The following SHLD1 variants were observed in gnomAD, a reference collection of about 807,000 sequenced individuals.
The protein encoded by SHLD1 is shieldin complex subunit 1.
A neutral mutation model predicts 5.5 loss-of-function variants in SHLD1; 3 were observed. The ratio of observed to expected loss-of-function variants is 0.54; its 90% CI spans 0.25 to 1.40. The LOEUF is 1.40. Ranked by LOEUF, SHLD1 falls within the 40% of genes most tolerant of loss-of-function variation. The pLI is 0.15. For missense variants in SHLD1, 210 were observed against 244.4 expected (o/e 0.86, Z 0.94); for synonymous variants, 92 against 94.3 (o/e 0.98, Z 0.14).
intron 2 of SHLD1, among the ~76,000 whole-genome samples, chr20:5,782,815 T>C (rs2087004672): frequency 6.6e-6 from 1 of 152,202 alleles, no homozygotes; most frequent in Non-Finnish European, 1.5e-5. Flanking sequence ...TTCTATAAAA[T>C]TTTATTTCCA....
At chr20:5,810,305 C>T (rs563711039) in intron 2 of SHLD1, among the ~76,000 whole-genome samples, 4 of 151,774 alleles carry the variant, frequency 2.6e-5, no homozygotes, top group East Asian at 3.9e-4. Context: ...CCTTAGACAT[C>T]GAGTAACTAA....
intron 2 of SHLD1, among the ~76,000 whole-genome samples, chr20:5,803,946 G>A (rs2087336926): frequency 6.6e-6 from 1 of 151,416 alleles, no homozygotes; most frequent in African/African-American, 2.4e-5. Flanking sequence ...CTTGCTATTT[G>A]GAGGTTGAGG....
intron 1 of SHLD1, among the ~76,000 whole-genome samples, chr20:5,768,572 A>T (rs774252281): frequency 6.6e-6 from 1 of 152,212 alleles, no homozygotes; most frequent in Non-Finnish European, 1.5e-5. Flanking sequence ...GACTGACTGC[A>T]TGTTTGGTCC....
In SHLD1 at chr20:5,849,473, C is replaced by A. The variant is rs75288525; in HGVS notation, c.179-13551C>A. On this transcript the variant is annotated intron_variant, in intron 2 of 2. Coordinates refer to ENST00000303142, the MANE Select transcript of SHLD1 (RefSeq NM_152504.4). ...GACACCTTATTGTTTATAACATGGA[C>A]TGGGATGATTTCCAGCATCAAATCT... is the stretch of plus-strand genomic sequence containing the variant. Among the ~76,000 whole-genome samples, 211 of 152,290 alleles carry A rather than the reference C, an allele frequency of 1.4e-3. 4 individuals carry two copies. The highest frequency in any genetic ancestry group is 4.7e-3 in the African/African-American group (197 of 41,558).
chr20:5,770,770 C>G (rs1032903943), intron 1 of SHLD1, among the ~76,000 whole-genome samples: 1 of 152,184 alleles, frequency 6.6e-6, no homozygotes, highest in Non-Finnish European at 1.5e-5. Context: ...AAATACCAGG[C>G]AGATGTATGT....
intron 2 of SHLD1, among the ~76,000 whole-genome samples, chr20:5,830,562 C>T (rs978818162): frequency 2.0e-5 from 3 of 152,070 alleles, no homozygotes; most frequent in Admixed American, 2.0e-4. Flanking sequence ...GTGGCACATG[C>T]CTGTAATCTC....
intron 1 of SHLD1, among the ~76,000 whole-genome samples, chr20:5,762,196 G>C (rs374440997): frequency 2.6e-5 from 4 of 151,554 alleles, no homozygotes; most frequent in Admixed American, 6.6e-5. Flanking sequence ...AGGTTGCAGT[G>C]AGCCGAGATT....
At chr20:5,818,053 T>G (rs1430993654) in intron 2 of SHLD1, among the ~76,000 whole-genome samples, 1 of 152,076 alleles carries the variant, frequency 6.6e-6, no homozygotes, top group Non-Finnish European at 1.5e-5. Context: ...TTTTCTTTTC[T>G]TTTTCTCCTT....
intron 2 of SHLD1, among the ~76,000 whole-genome samples, chr20:5,782,870 A>T (rs2087005521): frequency 6.6e-6 from 1 of 152,196 alleles, no homozygotes; most frequent in South Asian, 2.1e-4. Context: ...CTCAAAATAA[A>T]ATTTATATAC....
chr20:5,759,682 T>C (rs1984347047), intron 1 of SHLD1, among the ~76,000 whole-genome samples: 1 of 152,058 alleles, frequency 6.6e-6, no homozygotes, highest in Non-Finnish European at 1.5e-5. Flanking sequence ...TACTGGTACT[T>C]GCCACCACGA....
At position 5,806,519 on chromosome 20, in the gene SHLD1, T is replaced by C. The variant is rs571495961; in HGVS notation, c.178+33476T>C. 2.0e-5 allele frequency among the ~76,000 whole-genome samples: 3 copies of C among 152,344 alleles called. No homozygotes were observed. The East Asian group carries it at 5.8e-4, about 29-fold the overall frequency. On this transcript the variant is annotated intron_variant, in intron 2 of 2. Transcript: ENST00000303142. This position sits in a 1 kb window ranked among gnomAD's most constrained non-coding sequence, Gnocchi z 7.6. ...CTCCTACCAGTCAGGCATGCAGTTT[T>C]GATAAACTACCTCCCAAGTTCTGAA...
chr20:5,855,464 C>T lies in SHLD1; in HGVS notation c.179-7560C>T, dbSNP rs548515861. 7.2e-5 allele frequency among the ~76,000 whole-genome samples: 11 copies of T among 152,198 alleles called. No homozygotes were observed. Among genetic ancestry groups the T allele is most frequent in the Admixed American group, 3.9e-4 (6 of 15,280 alleles). On this transcript the variant is annotated intron_variant, in intron 2 of 2. Transcript: ENST00000303142. This position sits in a 1 kb window ranked among gnomAD's most constrained non-coding sequence, Gnocchi z 4.4. ...TTGGCTCATGGCAACCTCCACCTCC[C>T]GCGTTCAAGAGATTCTTGTGCCTCA...
intron 2 of SHLD1, among the ~76,000 whole-genome samples, chr20:5,799,043 A>G (rs1439951796): frequency 6.6e-6 from 1 of 152,236 alleles, no homozygotes; most frequent in African/African-American, 2.4e-5. Flanking sequence ...AAAAAAATAC[A>G]AATACAAAAA....
intron 2 of SHLD1, among the ~76,000 whole-genome samples, chr20:5,804,946 G>A (rs762065332): frequency 6.6e-6 from 1 of 152,176 alleles, no homozygotes; most frequent in Non-Finnish European, 1.5e-5. Context: ...CAGGCAGCAG[G>A]AGGCCTGGCA....
intron 2 of SHLD1, among the ~76,000 whole-genome samples, chr20:5,843,320 T>C (rs1270232455): frequency 1.3e-5 from 2 of 152,024 alleles, no homozygotes; most frequent in Non-Finnish European, 2.9e-5. Flanking sequence ...TTTTATTTTC[T>C]TTTATCAGGT....
At chr20:5,810,988 G>A (rs1389953742) in intron 2 of SHLD1, among the ~76,000 whole-genome samples, 1 of 152,014 alleles carries the variant, frequency 6.6e-6, no homozygotes, top group Admixed American at 6.6e-5. Flanking sequence ...ATGCTGAGAA[G>A]TGCTGATGAC....
chr20:5,795,136 G>A lies in SHLD1; in HGVS notation c.178+22093G>A, dbSNP rs75872086. On this transcript the variant is annotated intron_variant, in intron 2 of 2. Coordinates refer to ENST00000303142, the MANE Select transcript of SHLD1 (RefSeq NM_152504.4). Reference sequence around the variant, plus strand: ...CACCTGTAATCCCAGCTACTCGGGGGGCTGAGGCACAAGAATCACTTGAAC... The same window carrying A: ...CACCTGTAATCCCAGCTACTCGGGGAGCTGAGGCACAAGAATCACTTGAAC... Among the ~76,000 whole-genome samples the A allele has an allele frequency of 5.1e-4, 78 of 152,008 alleles. No individual in the cohort carries two copies. In the East Asian group the frequency reaches 0.013, roughly 25 times the overall value.
intron 1 of SHLD1, among the ~76,000 whole-genome samples, chr20:5,767,537 A>G (rs1325371571): frequency 1.3e-5 from 2 of 152,112 alleles, no homozygotes; most frequent in African/African-American, 4.8e-5. Flanking sequence ...GACCTCATTC[A>G]TGTGCTCTTC....
At chr20:5,755,616 A>T (rs1984038632) in intron 1 of SHLD1, among the ~76,000 whole-genome samples, 1 of 151,808 alleles carries the variant, frequency 6.6e-6, no homozygotes, top group Non-Finnish European at 1.5e-5. Flanking sequence ...CTGGAGTGGA[A>T]TGGTGTCATC....
Sources: gnomAD v4.1 joint callset for allele counts (sites outside exome capture counted in the v4.1 genomes callset) on GRCh38, gnomAD v4.1.1 for gene constraint, Gnocchi (gnomAD v3.1) non-coding constraint, MANE v1.5 for transcripts, NCBI Gene and HGNC (gene_info 2026-07-23, HGNC 2026-07-21) for gene names.